ABCB7: variants seen among roughly 807,000 people sequenced by gnomAD.
The protein encoded by ABCB7 is ATP binding cassette subfamily B member 7.
A neutral mutation model predicts 54.4 loss-of-function variants in ABCB7; 7 were observed. The observed-to-expected ratio is 0.13, with a 90% CI of 0.07 to 0.24. ABCB7 has a LOEUF of 0.24. Among genes scored for constraint, ABCB7 ranks in the 10% least tolerant of loss-of-function variants. The pLI is 1.00. For synonymous variants in ABCB7, 218 were observed against 207.1 expected (o/e 1.05, Z -0.45); for missense variants, 356 against 570.4 (o/e 0.62, Z 3.83).
At chrX:75,119,621 G>A (rs1227002328) in intron 1 of ABCB7, among the ~76,000 whole-genome samples, 1 of 111,733 alleles carries the variant, frequency 8.9e-6, no homozygotes, top group Non-Finnish European at 1.9e-5. Flanking sequence ...GGTGAAATTT[G>A]GCTCATTTAG....
intron 1 of ABCB7, among the ~76,000 whole-genome samples, chrX:75,133,719 A>T (rs2081990283): frequency 8.9e-6 from 1 of 112,088 alleles, no homozygotes; most frequent in African/African-American, 3.2e-5. Context: ...ATAATTTAAT[A>T]TCCAGCCAAA....
At chrX:75,104,047 GTTTTTTTTTTTTTTTTTTTTTT>G (rs757074347) in intron 3 of ABCB7, among the ~76,000 whole-genome samples, 26 of 13,446 alleles carry the variant, frequency 1.9e-3, no homozygotes, top group South Asian at 9.3e-3. Context: ...TCTTGTTACA[GTTTTTTTTTTTTTTTTTTTTTT>G]TTTTTTTTTT....
intron 3 of ABCB7, among the ~76,000 whole-genome samples, chrX:75,105,732 G>A (rs1444298264): frequency 9.0e-6 from 1 of 111,610 alleles, no homozygotes; most frequent in African/African-American, 3.2e-5. Flanking sequence ...AAAGCAAGAG[G>A]TACCACATTA....
chrX:75,149,799 T>C (rs2082118483), intron 1 of ABCB7, among the ~76,000 whole-genome samples: 1 of 111,169 alleles, frequency 9.0e-6, no homozygotes, highest in African/African-American at 3.3e-5. Context: ...GGGAACGGAC[T>C]GACCTTTGAA....
At chrX:75,056,166 AC>A (rs2081238182) in intron 15 of ABCB7, among the ~76,000 whole-genome samples, 1 of 111,699 alleles carries the variant, frequency 9.0e-6, no homozygotes, top group African/African-American at 3.3e-5. Flanking sequence ...TTAGTAAGTA[AC>A]CTATGGTAAT....
chrX:75,134,282 C>T lies in ABCB7; in HGVS notation c.169-19451G>A, dbSNP rs149283466. On this transcript the variant is annotated intron_variant, in intron 1 of 15. Coordinates refer to ENST00000373394, the MANE Select transcript of ABCB7 (RefSeq NM_001271696.3). ...TTCAATTCAACAAGATATAACCATCCTAAATATATATGCACCTGACACTAG... is the reference window on the plus strand; with the variant it reads ...TTCAATTCAACAAGATATAACCATCTTAAATATATATGCACCTGACACTAG... 1.8e-3 allele frequency among the ~76,000 whole-genome samples: 198 copies of T among 111,485 alleles called. 1 individual carries two copies. Among genetic ancestry groups the T allele is most frequent in the African/African-American group, 6.1e-3 (187 of 30,664 alleles).
Position 75,069,052 on chromosome X carries a change from A to G in ABCB7, c.1614T>C (p.Asp538=), listed in dbSNP as rs776026399. 34 of 1,207,949 alleles carry G rather than the reference A, an allele frequency of 2.8e-5. No homozygotes were observed. The highest frequency in any genetic ancestry group is 3.6e-5 in the Non-Finnish European group (32 of 893,634). The stretch of plus-strand genomic sequence containing the variant: ...CCCTCCGAAGGCTTTCCAGGCTCAC[A>G]TCTTGTATATTTTGACCAGCAAGAT... ...SIYLAGQNIQ[D]VSLESLRRAV... The change falls in exon 12 of 16, where the codon GAT becomes GAC. Residue 538 remains aspartate, a synonymous_variant. Coordinates refer to ENST00000373394, the MANE Select transcript of ABCB7 (RefSeq NM_001271696.3).
intron 4 of ABCB7, among the ~76,000 whole-genome samples, chrX:75,096,902 A>C (rs1374137278): frequency 9.0e-6 from 1 of 110,624 alleles, no homozygotes; most frequent in Non-Finnish European, 1.9e-5. Context: ...CTACTATTTC[A>C]GTACAAATTG....
chrX:75,073,614 A>T (rs1418538316), intron 8 of ABCB7, 75 bp downstream of exon 8: 7 of 784,264 alleles, frequency 8.9e-6, no homozygotes, highest in Non-Finnish European at 1.4e-5. Context: ...AATTTACAGT[A>T]CCTATTAAAT....
intron 3 of ABCB7, among the ~76,000 whole-genome samples, chrX:75,108,506 G>A (rs1318521889): frequency 1.9e-5 from 2 of 106,211 alleles, no homozygotes; most frequent in South Asian, 4.6e-4. Context: ...TTAGTATGAG[G>A]AATTAAAGTT....
chrX:75,059,700 T>C lies in ABCB7; in HGVS notation c.2043+523A>G, dbSNP rs139213278. Among the ~76,000 whole-genome samples the C allele has an allele frequency of 6.4e-3, 716 of 111,514 alleles. 10 individuals are homozygous for C. Among genetic ancestry groups the C allele is most frequent in the African/African-American group, 0.022 (679 of 30,622 alleles). ...TGGTACTCTGATTTGTCTAGACTTT[T>C]ACAGTATACTCATATAGTAATTCCC... On this transcript the variant is annotated intron_variant, in intron 15 of 15. Coordinates refer to ENST00000373394, the MANE Select transcript of ABCB7 (RefSeq NM_001271696.3).
intron 3 of ABCB7, among the ~76,000 whole-genome samples, chrX:75,101,250 G>A (rs779821875): frequency 9.2e-6 from 1 of 109,192 alleles, no homozygotes; most frequent in East Asian, 2.9e-4. Flanking sequence ...AGCAAGGAAC[G>A]GGGGGAAATT....
chrX:75,131,834 G>A (rs2081975946), intron 1 of ABCB7, among the ~76,000 whole-genome samples: 1 of 111,678 alleles, frequency 9.0e-6, no homozygotes, highest in South Asian at 3.8e-4. Context: ...CACCTGAGCA[G>A]CTCTGCATCT....
chrX:75,133,006 T>C (rs900636263), intron 1 of ABCB7, among the ~76,000 whole-genome samples: 4 of 111,800 alleles, frequency 3.6e-5, no homozygotes, highest in Non-Finnish European at 5.6e-5. Flanking sequence ...ATTACAGACA[T>C]AGAATTCAGA....
At chrX:75,090,629 A>C (rs2147492458) in intron 4 of ABCB7, among the ~76,000 whole-genome samples, 1 of 110,866 alleles carries the variant, frequency 9.0e-6, no homozygotes, top group African/African-American at 3.3e-5. Context: ...AGTAAGCAGA[A>C]GAATAAAAAT....
intron 3 of ABCB7, among the ~76,000 whole-genome samples, chrX:75,111,759 G>T (rs1158707113): frequency 8.9e-6 from 1 of 112,299 alleles, no homozygotes. Flanking sequence ...GGAGCAGAAA[G>T]AAACTGTCTT....
chrX:75,085,971 C>G (rs999801822), intron 4 of ABCB7, among the ~76,000 whole-genome samples: 1 of 109,336 alleles, frequency 9.1e-6, no homozygotes, highest in African/African-American at 3.3e-5. Context: ...CTCAGCCTCC[C>G]GAGTAGCTAG....
rs747703623 is a variant in ABCB7, at chrX:75,125,002, C to G, written c.169-10171G>C. Among the ~76,000 whole-genome samples the G allele has an allele frequency of 6.2e-5, 7 of 112,105 alleles. No homozygotes were observed. The East Asian group carries it at 1.7e-3, about 27-fold the overall frequency. ...GAGAACCCTCAAGCACATTTCTTAACTTTCGATTCCATAGCTGGACAATTT... is the reference window on the plus strand; with the variant it reads ...GAGAACCCTCAAGCACATTTCTTAAGTTTCGATTCCATAGCTGGACAATTT... On this transcript the variant is annotated intron_variant, in intron 1 of 15. Transcript: ENST00000373394.
intron 4 of ABCB7, among the ~76,000 whole-genome samples, chrX:75,085,709 A>G (rs767039504): frequency 9.0e-5 from 10 of 111,638 alleles, no homozygotes; most frequent in Non-Finnish European, 1.5e-4. Flanking sequence ...AATCAACCCA[A>G]TATGAAGTTT....
Sources: gnomAD v4.1 joint callset for allele counts (sites outside exome capture counted in the v4.1 genomes callset) on GRCh38, gnomAD v4.1.1 for gene constraint, MANE v1.5 for transcripts, NCBI Gene and HGNC (gene_info 2026-07-23, HGNC 2026-07-21) for gene names.